Variants in GTPBP4 observed in about 807,000 individuals in gnomAD.
GTPBP4 encodes GTP binding protein 4.
In GTPBP4, 15 loss-of-function variants were observed where a neutral mutation model predicts 81.7. The observed-to-expected ratio is 0.18, with a 90% CI of 0.12 to 0.28. The LOEUF (loss-of-function observed/expected upper bound fraction) is 0.28. GTPBP4 is among the 10% of genes least tolerant of loss of function. The probability of loss-of-function intolerance (pLI) is 1.00; values close to 1 mark genes in which losing one functional copy is unlikely to be tolerated. For synonymous variants in GTPBP4, 272 were observed against 274.6 expected (o/e 0.99, Z 0.09); for missense variants, 847 against 793.8 (o/e 1.07, Z -0.81).
intron 8 of GTPBP4, 73 bp downstream of exon 8, chr10:1,001,086 A>G: frequency 9.9e-7 from 1 of 1,012,650 alleles, no homozygotes; most frequent in East Asian, 2.4e-5. Flanking sequence ...ACCAAAGTTT[A>G]GATGAAGGAA....
rs778292882 is a variant in GTPBP4 at position 996,106 on chromosome 10, T to C, written c.324T>C (p.Asn108=). 1.7e-5 allele frequency: 27 copies of C among 1,598,438 alleles called. No homozygotes were observed. Among genetic ancestry groups the C allele is most frequent in the Non-Finnish European group, 2.1e-5 (24 of 1,169,578 alleles). Reference sequence around the variant, plus strand: ...AAATAATATTTTTTATTTTTTACAGTGTTGCTAAAGATTATGTGCGACTGA... The same window carrying C: ...AAATAATATTTTTTATTTTTTACAGCGTTGCTAAAGATTATGTGCGACTGA... ...QINIAKNLVD[N]VAKDYVRLMK... The change falls in exon 4 of 17, where the codon AAT becomes AAC. Residue 108 remains asparagine (N), a splice_region_variant and synonymous_variant. Transcript: ENST00000360803.
At chr10:990,505 G>A (rs1279579507) in intron 1 of GTPBP4, among the ~76,000 whole-genome samples, 1 of 151,964 alleles carries the variant, frequency 6.6e-6, no homozygotes, top group Non-Finnish European at 1.5e-5. Context: ...GGCAAATCAC[G>A]AGGTCAGGAG....
chr10:988,786 G>A, intron 1 of GTPBP4: 1 of 483,526 alleles, frequency 2.1e-6, no homozygotes, highest in East Asian at 3.5e-5. Flanking sequence ...GGCCCCCAGA[G>A]ATGGGGGTAC....
At chr10:1,012,979 C>T (rs982582874) in intron 14 of GTPBP4, among the ~76,000 whole-genome samples, 1 of 152,020 alleles carries the variant, frequency 6.6e-6, no homozygotes, top group African/African-American at 2.4e-5. Flanking sequence ...CTTCTTTTTT[C>T]TCTCTCTCTT....
chr10:1,019,160 G>A lies in GTPBP4; in HGVS notation c.*1933G>A, dbSNP rs969586627. On this transcript the variant is annotated 3_prime_UTR_variant, in exon 17 of 17. Transcript: ENST00000360803. ...CTTGGAGGCTTGGATAAAGCTGTGG[G>A]GAGACAGCCTCATGGTCCAGCCAGG... 4.9e-6 allele frequency: 1 copy of A among 202,160 alleles called. No homozygotes were observed. The highest frequency in any genetic ancestry group is 2.3e-5 in the African/African-American group (1 of 42,970). 12.5% of individuals were successfully genotyped at this position (202,160 alleles called of 1,614,324 possible).
At chr10:1,012,767 A>G in intron 14 of GTPBP4, 105 bp downstream of exon 14, 2 of 718,298 alleles carry the variant, frequency 2.8e-6, no homozygotes, top group Non-Finnish European at 4.7e-6. Flanking sequence ...TGGCCATAAG[A>G]TTGCACATTC....
chr10:997,368 ATTC>A, intron 5 of GTPBP4, 60 bp downstream of exon 5: 2 of 937,132 alleles, frequency 2.1e-6, no homozygotes, highest in Non-Finnish European at 3.6e-6. Context: ...GTGTTACTGT[ATTC>A]TGGCGGCGTG....
At chr10:997,707 T>C (rs7076107) in intron 5 of GTPBP4, among the ~76,000 whole-genome samples, 117,422 of 152,240 alleles carry the variant, frequency 0.77, 45,691 homozygotes, top group East Asian at 0.9. Flanking sequence ...TGTCCTGGAG[T>C]GGCTATGCCA....
chr10:1,010,023 G>C (rs1025699754), intron 12 of GTPBP4, among the ~76,000 whole-genome samples: 3 of 152,160 alleles, frequency 2.0e-5, no homozygotes, highest in Non-Finnish European at 2.9e-5. Context: ...ATAGCACTCA[G>C]TGGGGGTTCT....
At chr10:1,015,444 AGC>A (rs1831964213) in intron 15 of GTPBP4, among the ~76,000 whole-genome samples, 3 of 94,584 alleles carry the variant, frequency 3.2e-5, no homozygotes, top group African/African-American at 4.8e-5. Flanking sequence ...TGGGGTCCTG[AGC>A]GCTGAGCCTG....
chr10:1,015,495 GGGGCTGGGGTCCT>G (rs1217417914), intron 15 of GTPBP4, among the ~76,000 whole-genome samples: 37 of 119,270 alleles, frequency 3.1e-4, no homozygotes, highest in African/African-American at 1.2e-3. Flanking sequence ...GCCTGGGAGT[GGGGCTGGGGTCCT>G]GAGCTCTGAG....
In GTPBP4 at chr10:1,015,859, G is replaced by A. The variant is rs1004771925; in HGVS notation, c.1715G>A (p.Arg572Gln). Residue 572 changes from arginine (R) to glutamine (Q), a missense_variant, in exon 16 of 17, where the codon CGA (arginine) becomes CAA (glutamine). Transcript: ENST00000360803. The stretch of plus-strand genomic sequence containing the variant: ...GTGGCCCGGAGTGGGAGTTGCTCTC[G>A]AACTCCACGTGACGTTTCTGGTCTT... The part of the protein sequence containing the change: ...SSVARSGSCS[R>Q]TPRDVSGLRD... 7.4e-6 allele frequency: 12 copies of A among 1,613,474 alleles called. No homozygotes were observed. Among genetic ancestry groups the A allele is most frequent in the Middle Eastern group, 3.3e-4 (2 of 6,062 alleles).
At chr10:1,017,047 A>G (rs1345233650) in intron 16 of GTPBP4, 28 bp from the exon 17 acceptor site, 2 of 1,594,746 alleles carry the variant, frequency 1.3e-6, no homozygotes, top group East Asian at 2.2e-5. Flanking sequence ...AGTAATGAAC[A>G]TACTTTATTT....
intron 4 of GTPBP4, 39 bp from the exon 5 acceptor site, chr10:997,169 C>A: frequency 8.4e-7 from 1 of 1,184,362 alleles, no homozygotes. Context: ...AAATCTTAAA[C>A]TTTGAATTTC....
rs766237993 is a variant in GTPBP4, at chr10:1,019,722, G to T, written c.*2495G>T. The T allele has an allele frequency of 2.5e-6, 4 of 1,614,026 alleles. No individual in the cohort carries two copies. Among genetic ancestry groups the T allele is most frequent in the Non-Finnish European group, 3.4e-6 (4 of 1,180,016 alleles). On this transcript the variant is annotated 3_prime_UTR_variant, in exon 17 of 17. Transcript: ENST00000360803. ...CGTTTCACTGGGATCCGGGTTCAGA[G>T]TGACGTTTTTCCTCACAAGCAGAAG...
At chr10:1,014,174 A>G in intron 14 of GTPBP4, 73 bp from the exon 15 acceptor site, 1 of 883,372 alleles carries the variant, frequency 1.1e-6, no homozygotes. Context: ...GTATACATAT[A>G]TATTGCCTTG....
Position 1,019,635 on chromosome 10 carries a change from C to T in GTPBP4, c.*2408C>T, listed in dbSNP as rs762900392. The T allele has an allele frequency of 2.5e-6, 4 of 1,613,928 alleles. No homozygotes were observed. The highest frequency in any genetic ancestry group is 1.1e-5 in the South Asian group (1 of 91,072). On this transcript the variant is annotated 3_prime_UTR_variant, in exon 17 of 17. Transcript: ENST00000360803. ...TAGCCAGGGGGTGACTTTGACTTCA[C>T]CCCTCGCCTCCCTCTCCAGCAGCTC...
chr10:998,473 G>A (rs558512862), intron 5 of GTPBP4, among the ~76,000 whole-genome samples: 2 of 152,318 alleles, frequency 1.3e-5, no homozygotes, highest in South Asian at 4.1e-4. Context: ...ATGGTGACCA[G>A]CAAAGCTCTG....
chr10:995,727 G>C (rs1831526513), intron 2 of GTPBP4, among the ~76,000 whole-genome samples: 1 of 152,104 alleles, frequency 6.6e-6, no homozygotes. Flanking sequence ...GAGGTGGGTG[G>C]GAGCCGTGAC....
Sources: allele counts gnomAD v4.1 joint callset (sites outside exome capture counted in the v4.1 genomes callset), GRCh38; gene constraint gnomAD v4.1.1; transcripts MANE v1.5; gene names NCBI Gene and HGNC (gene_info 2026-07-23, HGNC 2026-07-21).